The following NRXN3 variants were observed in gnomAD, a reference collection of about 807,000 sequenced individuals.
The protein encoded by NRXN3 is neurexin 3, also known as neurexin III.
NRXN3 carries 32 observed loss-of-function variants against 137.6 expected under a neutral mutation model. That is an observed-to-expected ratio of 0.23 (90% confidence interval 0.18 to 0.31). The LOEUF is 0.31. Among genes scored for constraint, NRXN3 ranks in the 10% least tolerant of loss-of-function variants. The pLI, the probability that NRXN3 is intolerant of heterozygous loss-of-function variation, is 1.00. For synonymous variants in NRXN3, 798 were observed against 784.5 expected, an observed-to-expected ratio of 1.02 and a Z score of -0.29; for missense variants, 1,574 against 2,062.5, an observed-to-expected ratio of 0.76 and a Z score of 4.59.
chr14:78,519,311 A>G (rs1011545227), intron 4 of NRXN3, among the ~76,000 whole-genome samples: 1 of 152,166 alleles, frequency 6.6e-6, no homozygotes, highest in Non-Finnish European at 1.5e-5. Flanking sequence ...TCTGATAAGT[A>G]TGTACGTAAT....
intron 4 of NRXN3, among the ~76,000 whole-genome samples, chr14:78,303,134 C>T (rs181287145): frequency 6.6e-6 from 1 of 152,276 alleles, no homozygotes; most frequent in African/African-American, 2.4e-5. Flanking sequence ...TACCAAATAA[C>T]CTCTCTAGAA....
At chr14:78,802,565 G>C (rs2098842648) in intron 8 of NRXN3, among the ~76,000 whole-genome samples, 1 of 152,198 alleles carries the variant, frequency 6.6e-6, no homozygotes, top group Admixed American at 6.5e-5. Context: ...TTTCTTGTCT[G>C]CAAGTAGGAA....
At chr14:79,371,179 TA>T (rs1405210959) in intron 15 of NRXN3, among the ~76,000 whole-genome samples, 1 of 152,332 alleles carries the variant, frequency 6.6e-6, no homozygotes, top group Non-Finnish European at 1.5e-5. Flanking sequence ...GGTGGCTACA[TA>T]ATCCATCATC....
chr14:78,568,680 G>T (rs963251105), intron 4 of NRXN3, among the ~76,000 whole-genome samples: 8 of 152,086 alleles, frequency 5.3e-5, no homozygotes, highest in Non-Finnish European at 8.8e-5. Context: ...TGAAATCCTG[G>T]GTTCAATGTG....
rs529603272 is a variant in NRXN3 at position 78,625,179 on chromosome 14, A to T, written c.758-19941A>T. Among the ~76,000 whole-genome samples, 6 of 152,330 alleles carry T rather than the reference A, an allele frequency of 3.9e-5. No individual in the cohort carries two copies. In the South Asian group the frequency reaches 1.2e-3, roughly 32 times the overall value. On this transcript the variant is annotated intron_variant, in intron 4 of 20. Transcript: ENST00000335750. Reference sequence around the variant, plus strand: ...TTAAAATGAGGGCATTTGACTAGGGACATCTCCAAGTTTCCTTCTAGTTAT... The same window carrying T: ...TTAAAATGAGGGCATTTGACTAGGGTCATCTCCAAGTTTCCTTCTAGTTAT...
intron 20 of NRXN3, among the ~76,000 whole-genome samples, chr14:79,851,031 T>TAAGA (rs532597567): frequency 3.9e-5 from 6 of 152,306 alleles, no homozygotes; most frequent in African/African-American, 1.4e-4. Flanking sequence ...GTCCTACTTG[T>TAAGA]AAGAGTTTTA....
chr14:78,757,856 C>T (rs1459306836), intron 8 of NRXN3, among the ~76,000 whole-genome samples: 6 of 152,164 alleles, frequency 3.9e-5, no homozygotes. Flanking sequence ...TGGGAGCTTA[C>T]ATTAGATTCA....
intron 15 of NRXN3, among the ~76,000 whole-genome samples, chr14:79,436,884 C>T (rs917578151): frequency 1.3e-5 from 2 of 152,190 alleles, no homozygotes; most frequent in African/African-American, 4.8e-5. Flanking sequence ...CCGTTATCTA[C>T]CTCCAGGCTT....
chr14:78,456,592 C>T (rs1047153684), intron 4 of NRXN3, among the ~76,000 whole-genome samples: 3 of 152,108 alleles, frequency 2.0e-5, no homozygotes, highest in African/African-American at 7.2e-5. Flanking sequence ...CTTCATCCGG[C>T]TTTCTCTTAC....
Position 79,111,504 on chromosome 14 carries a change from C to T in NRXN3, c.3262+123363C>T, listed in dbSNP as rs191525731. Among the ~76,000 whole-genome samples, 10 of 152,132 alleles carry T rather than the reference C, an allele frequency of 6.6e-5. No homozygotes were observed. The East Asian group carries it at 1.4e-3, about 21-fold the overall frequency. On this transcript the variant is annotated intron_variant, in intron 15 of 20. Transcript: ENST00000335750. ...CTGTAATCCCAGCACCTTGGGAGGC[C>T]GAGGCGGGCAGATCACCTGAGGTCA...
At chr14:79,091,382 G>T (rs2049154490) in intron 15 of NRXN3, among the ~76,000 whole-genome samples, 1 of 152,092 alleles carries the variant, frequency 6.6e-6, no homozygotes, top group Admixed American at 6.6e-5. Flanking sequence ...AAATCAAGAG[G>T]AGTTAATACA....
chr14:79,238,095 A>G lies in NRXN3; in HGVS notation c.3263-229126A>G, dbSNP rs1597649783. Among the ~76,000 whole-genome samples the G allele has an allele frequency of 2.6e-5, 4 of 152,142 alleles. No homozygotes were observed. In the South Asian group the frequency reaches 8.3e-4, roughly 32 times the overall value. On this transcript the variant is annotated intron_variant, in intron 15 of 20. Transcript: ENST00000335750. ...GGGAGGAATGATAAATATAGGAAGA[A>G]CATTATATACATCACAGATGAGTTC...
intron 15 of NRXN3, among the ~76,000 whole-genome samples, chr14:79,431,967 A>G (rs895162217): frequency 6.6e-6 from 1 of 152,002 alleles, no homozygotes; most frequent in Non-Finnish European, 1.5e-5. Flanking sequence ...TCTCCCTACT[A>G]CAGTCTGTCC....
At position 78,488,593 on chromosome 14, in the gene NRXN3, G is replaced by C. The variant is rs569136414; in HGVS notation, c.758-156527G>C. Among the ~76,000 whole-genome samples the C allele has an allele frequency of 3.9e-4, 59 of 152,198 alleles. 1 individual carries two copies. In the South Asian group the frequency reaches 0.012, roughly 31 times the overall value. Reference sequence around the variant, plus strand: ...TATTACTATTACTAAAATATTGTGGGTGGGGGGAAGGAAAGTTGGGAGTAG... The same window carrying C: ...TATTACTATTACTAAAATATTGTGGCTGGGGGGAAGGAAAGTTGGGAGTAG... On this transcript the variant is annotated intron_variant, in intron 4 of 20. Transcript: ENST00000335750.
At chr14:78,456,937 CTCCCT>C (rs903607710) in intron 4 of NRXN3, among the ~76,000 whole-genome samples, 4 of 147,254 alleles carry the variant, frequency 2.7e-5, no homozygotes, top group East Asian at 4.0e-4. Context: ...CCCTCCCTTC[CTCCCT>C]TCCCTTCCCT....
Position 78,426,887 on chromosome 14 carries a change from G to A in NRXN3, c.757+129027G>A, listed in dbSNP as rs78447364. On this transcript the variant is annotated intron_variant, in intron 4 of 20. Coordinates refer to ENST00000335750, the MANE Select transcript of NRXN3 (RefSeq NM_001330195.2). ...ACCATGGGAACTGAGCCTAGAGGAG[G>A]TTAGAGATCCTGCCCAAACCAGAGA... 6.0e-3 allele frequency among the ~76,000 whole-genome samples: 919 copies of A among 152,248 alleles called. 28 individuals are homozygous for A. In the East Asian group the frequency reaches 0.066, roughly 11 times the overall value.
At chr14:78,180,615 C>T (rs2059727357) in intron 1 of NRXN3, among the ~76,000 whole-genome samples, 1 of 152,322 alleles carries the variant, frequency 6.6e-6, no homozygotes, top group Admixed American at 6.5e-5. Flanking sequence ...GAGACCTCTA[C>T]AGCTGTGTTC....
chr14:78,410,682 C>A (rs2092774474), intron 4 of NRXN3, among the ~76,000 whole-genome samples: 1 of 152,118 alleles, frequency 6.6e-6, no homozygotes, highest in Non-Finnish European at 1.5e-5. Context: ...AAATCTTGAG[C>A]CTTCAATTGA....
chr14:78,768,240 G>T (rs1043127553), intron 8 of NRXN3, among the ~76,000 whole-genome samples: 2 of 152,086 alleles, frequency 1.3e-5, no homozygotes, highest in African/African-American at 4.8e-5. Flanking sequence ...CATGTGCTGA[G>T]AATTTCCTTC....
Sources: allele counts gnomAD v4.1 joint callset (sites outside exome capture counted in the v4.1 genomes callset), GRCh38; gene constraint gnomAD v4.1.1; transcripts MANE v1.5; gene names NCBI Gene and HGNC (gene_info 2026-07-23, HGNC 2026-07-21).